ACACB: variants seen among roughly 807,000 people sequenced by gnomAD.
The protein encoded by ACACB is acetyl-CoA carboxylase beta.
Under a neutral mutation model 278.8 loss-of-function variants are expected in ACACB, and 209 were observed. The ratio of observed to expected loss-of-function variants is 0.75; its 90% CI spans 0.67 to 0.84. The LOEUF (loss-of-function observed/expected upper bound fraction) is 0.84, where lower values mean the gene tolerates loss of function less well. Ranked by LOEUF, ACACB falls within the 40% of genes least tolerant of loss-of-function variation. The probability of loss-of-function intolerance (pLI) is 0.00; values close to 1 mark genes in which losing one functional copy is unlikely to be tolerated. For synonymous variants in ACACB, 1,174 were observed against 1,285.6 expected (o/e 0.91, Z 1.86); for missense variants, 2,850 against 3,269.0 (o/e 0.87, Z 3.13).
At chr12:109,133,526 T>G (rs1474220633) in intron 1 of ACACB, among the ~76,000 whole-genome samples, 1 of 152,170 alleles carries the variant, frequency 6.6e-6, no homozygotes, top group Non-Finnish European at 1.5e-5. Flanking sequence ...CCACCGTGCC[T>G]GGCCTTGATG....
chr12:109,156,761 A>G (rs545131524), intron 2 of ACACB, among the ~76,000 whole-genome samples: 17 of 152,230 alleles, frequency 1.1e-4, no homozygotes, highest in South Asian at 1.0e-3. Context: ...GAAGGGTCGC[A>G]AAAATGGTTG....
intron 19 of ACACB, among the ~76,000 whole-genome samples, chr12:109,205,761 C>A (rs920213591): frequency 6.6e-5 from 10 of 151,718 alleles, no homozygotes; most frequent in Non-Finnish European, 1.3e-4. Flanking sequence ...GCCAAGTCAT[C>A]TCTTAAAAGG....
At chr12:109,167,121 C>T in intron 3 of ACACB, 128 bp downstream of exon 3, 3 of 1,214,310 alleles carry the variant, frequency 2.5e-6, no homozygotes, top group East Asian at 2.4e-5. Context: ...GAGGGCCACG[C>T]TCCTCTGAGT....
At position 109,166,674 on chromosome 12, in the gene ACACB, AAAAC is replaced by A. The variant is rs1236686180; in HGVS notation, c.654-186_654-183del. Among the ~76,000 whole-genome samples the A allele has an allele frequency of 5.4e-4, 73 of 134,354 alleles. 15 individuals are homozygous for A. The highest frequency in any genetic ancestry group is 2.9e-3 in the South Asian group (12 of 4,126). The allele number at this position is 134,354 out of a possible 152,430, so 88.1% of individuals were successfully genotyped here. ...CAAAAAAAAAAAAAAAAAAAAAAAA[AAAAC>A]CGAAGGTGCTTCCTGCCCTTGAGCC... On this transcript the variant is annotated intron_variant, in intron 2 of 52. Coordinates refer to ENST00000338432, the MANE Select transcript of ACACB (RefSeq NM_001093.4).
intron 2 of ACACB, among the ~76,000 whole-genome samples, chr12:109,150,648 A>G (rs2043346559): frequency 6.6e-6 from 1 of 152,170 alleles, no homozygotes; most frequent in African/African-American, 2.4e-5. Context: ...ATACCAGGAA[A>G]GGGAGCTGAC....
intron 21 of ACACB, 32 bp downstream of exon 21, chr12:109,209,385 C>T (rs373542502): frequency 1.9e-6 from 3 of 1,585,418 alleles, no homozygotes; most frequent in Non-Finnish European, 2.6e-6. Flanking sequence ...CCCACCCCAC[C>T]AGGATGGTCA....
At chr12:109,179,601 C>T (rs1320817554) in intron 10 of ACACB, among the ~76,000 whole-genome samples, 1 of 152,166 alleles carries the variant, frequency 6.6e-6, no homozygotes, top group Non-Finnish European at 1.5e-5. Flanking sequence ...ATCCTCCCAC[C>T]TCAGCCTCCC....
chr12:109,250,646 G>C (rs995152409), intron 41 of ACACB, among the ~76,000 whole-genome samples: 1 of 151,814 alleles, frequency 6.6e-6, no homozygotes. Context: ...TACTACTGTA[G>C]TAGTAGTAGT....
rs765464532 is a variant in ACACB, at chr12:109,235,351, A to G, written c.4386A>G (p.Thr1462=). ...TGGATTATGGACTCCGACGAATCAC[A>G]TTCTTGATTGCCCAAGAGGTTAGTT... ...ILVDYGLRRI[T]FLIAQEKEFP... Residue 1462 remains threonine, a synonymous_variant, in exon 32 of 53, where the codon ACA becomes ACG. Coordinates refer to ENST00000338432, the MANE Select transcript of ACACB (RefSeq NM_001093.4). The G allele has an allele frequency of 6.2e-6, 10 of 1,614,144 alleles. No individual in the cohort carries two copies. The South Asian group carries it at 1.1e-4, about 18-fold the overall frequency.
intron 33 of ACACB, chr12:109,236,118 C>T (rs759521912): frequency 6.4e-6 from 1 of 157,076 alleles, no homozygotes; most frequent in Non-Finnish European, 1.4e-5. Context: ...AGGCACATGC[C>T]ACCGTGCCTC....
At chr12:109,227,623 T>A in intron 28 of ACACB, 134 bp downstream of exon 28, 1 of 784,846 alleles carries the variant, frequency 1.3e-6, no homozygotes, top group South Asian at 1.7e-5. Context: ...GCACTTCCCC[T>A]GTGGGAGCTC....
chr12:109,168,782 G>A (rs1445165617), intron 4 of ACACB, among the ~76,000 whole-genome samples: 2 of 152,080 alleles, frequency 1.3e-5, no homozygotes, highest in Non-Finnish European at 2.9e-5. Flanking sequence ...TGATTACACC[G>A]CTGCATTCCA....
chr12:109,217,368 A>C (rs1278725654), intron 24 of ACACB, among the ~76,000 whole-genome samples: 1 of 152,214 alleles, frequency 6.6e-6, no homozygotes, highest in Non-Finnish European at 1.5e-5. Context: ...ACCACTCAAC[A>C]CTGCCTTTGT....
chr12:109,238,024 A>G (rs951735430), intron 34 of ACACB, among the ~76,000 whole-genome samples: 129 of 151,570 alleles, frequency 8.5e-4, no homozygotes, highest in Non-Finnish European at 6.3e-4. Context: ...AAAAAAAAAA[A>G]AAAGAAAAAA....
At chr12:109,259,148 G>T (rs1249907713) in intron 47 of ACACB, 40 bp downstream of exon 47, 1 of 1,608,716 alleles carries the variant, frequency 6.2e-7, no homozygotes, top group Non-Finnish European at 8.5e-7. Context: ...AAGCCTTGGG[G>T]TCAGCACCCA....
intron 27 of ACACB, among the ~76,000 whole-genome samples, chr12:109,225,673 T>C (rs954528323): frequency 6.6e-6 from 1 of 152,258 alleles, no homozygotes; most frequent in Non-Finnish European, 1.5e-5. Flanking sequence ...GCATTTCCTG[T>C]TCAGTTGAAA....
chr12:109,229,983 C>G (rs1312615456), intron 28 of ACACB, among the ~76,000 whole-genome samples: 1 of 152,108 alleles, frequency 6.6e-6, no homozygotes, highest in Non-Finnish European at 1.5e-5. Flanking sequence ...TCGAAGTGTT[C>G]TCTCTCACGC....
chr12:109,126,404 C>T (rs1389416057), intron 1 of ACACB, among the ~76,000 whole-genome samples: 1 of 152,182 alleles, frequency 6.6e-6, no homozygotes, highest in Non-Finnish European at 1.5e-5. Flanking sequence ...TGATCTGAAC[C>T]AGGCATGGTG....
chr12:109,175,590 A>C (rs571694877), intron 7 of ACACB, among the ~76,000 whole-genome samples: 31 of 151,892 alleles, frequency 2.0e-4, no homozygotes, highest in Non-Finnish European at 3.8e-4. Context: ...TAATTATAAA[A>C]TTTTTTTTGT....
Sources: allele counts gnomAD v4.1 joint callset (sites outside exome capture counted in the v4.1 genomes callset), GRCh38; gene constraint gnomAD v4.1.1; transcripts MANE v1.5; gene names NCBI Gene and HGNC (gene_info 2026-07-23, HGNC 2026-07-21).